TMEM182: variants seen among roughly 807,000 people sequenced by gnomAD.
TMEM182 encodes transmembrane protein 182.
In TMEM182, 20 loss-of-function variants were observed where a neutral mutation model predicts 26.8. That is an observed-to-expected ratio of 0.75 (90% confidence interval 0.53 to 1.09). The LOEUF (loss-of-function observed/expected upper bound fraction) is 1.09. Among genes scored for constraint, TMEM182 ranks in the 50% least tolerant of loss-of-function variants. The pLI is 0.00. For missense variants in TMEM182, 277 were observed against 275.5 expected, an observed-to-expected ratio of 1.01 and a Z score of -0.04; for synonymous variants, 109 against 102.2, an observed-to-expected ratio of 1.07 and a Z score of -0.40.
intron 3 of TMEM182, among the ~76,000 whole-genome samples, chr2:102,840,040 T>G (rs1389411713): frequency 7.2e-5 from 11 of 152,176 alleles, no homozygotes; most frequent in Non-Finnish European, 2.9e-5. Flanking sequence ...TAGCTCTGAG[T>G]GCCTCACGGG....
chr2:102,764,184 C>T, intron 2 of TMEM182, 145 bp from the exon 3 acceptor site: 1 of 739,726 alleles, frequency 1.4e-6, no homozygotes, highest in East Asian at 2.7e-5. Context: ...CCTTCCTCCT[C>T]ACAACAATTC....
At chr2:102,805,971 G>A (rs1381448003) in intron 4 of TMEM182, among the ~76,000 whole-genome samples, 1 of 152,136 alleles carries the variant, frequency 6.6e-6, no homozygotes, top group African/African-American at 2.4e-5. Flanking sequence ...TGAAAAGGCA[G>A]ACTGAATTTC....
chr2:102,799,750 T>A (rs1682034872), intron 4 of TMEM182, among the ~76,000 whole-genome samples: 1 of 152,196 alleles, frequency 6.6e-6, no homozygotes, highest in Non-Finnish European at 1.5e-5. Flanking sequence ...CCTTTGTCCT[T>A]TGTGGCCAAT....
chr2:102,788,776 C>T (rs1476829092), intron 3 of TMEM182, among the ~76,000 whole-genome samples: 1 of 152,116 alleles, frequency 6.6e-6, no homozygotes, highest in Non-Finnish European at 1.5e-5. Flanking sequence ...CTCCCTGAAG[C>T]ATCTCCTGAA....
In TMEM182 at chr2:102,777,361, G is replaced by A. The variant is rs986135986; in HGVS notation, c.331+12934G>A. Among the ~76,000 whole-genome samples the A allele has an allele frequency of 3.9e-5, 6 of 152,100 alleles. No individual in the cohort carries two copies. The East Asian group carries it at 1.2e-3, about 29-fold the overall frequency. Reference sequence around the variant, plus strand: ...TGTCTAGGTTCATTATTTTGCGTATGGATTTTCAATTGTGTCAGCACCATT... The same window carrying A: ...TGTCTAGGTTCATTATTTTGCGTATAGATTTTCAATTGTGTCAGCACCATT... On this transcript the variant is annotated intron_variant, in intron 3 of 4. Coordinates refer to ENST00000412401, the MANE Select transcript of TMEM182 (RefSeq NM_144632.5).
At chr2:102,802,266 G>T (rs925572033) in intron 4 of TMEM182, among the ~76,000 whole-genome samples, 2 of 152,224 alleles carry the variant, frequency 1.3e-5, no homozygotes, top group Admixed American at 1.3e-4. Flanking sequence ...ATGGCAGAGG[G>T]ATGCTGATAT....
intron 4 of TMEM182, among the ~76,000 whole-genome samples, chr2:102,804,382 T>C (rs1422098971): frequency 6.6e-6 from 1 of 152,160 alleles, no homozygotes; most frequent in Non-Finnish European, 1.5e-5. Context: ...ATAGCTTAGC[T>C]TGCATATATT....
In TMEM182 at chr2:102,762,117, T is replaced by G; in HGVS notation, c.-101T>G. 1.9e-6 allele frequency: 2 copies of G among 1,041,320 alleles called. No homozygotes were observed. Among genetic ancestry groups the G allele is most frequent in the Non-Finnish European group, 2.7e-6 (2 of 738,304 alleles). 64.5% of individuals were successfully genotyped at this position (1,041,320 alleles called of 1,614,324 possible). ...AGAAGATTCTGCCAACTCAAAAATA[T>G]TATTCTTTTTTTTTTTTTTTTGCTG... On this transcript the variant is annotated 5_prime_UTR_variant, in exon 1 of 5. Transcript: ENST00000412401.
intron 3 of TMEM182, among the ~76,000 whole-genome samples, chr2:102,825,113 C>G (rs980245850): frequency 6.6e-6 from 1 of 152,172 alleles, no homozygotes; most frequent in Non-Finnish European, 1.5e-5. Context: ...AAGGCAAAAA[C>G]TTCAGTACCT....
At position 102,748,172 on chromosome 2, in the gene TMEM182, A is replaced by G. The variant is rs375437619; in HGVS notation, c.-82-10217A>G. On this transcript the variant is annotated intron_variant, in intron 1 of 5. Coordinates refer to the TMEM182 transcript ENST00000409173. ...GTAACTTTCCGTGTAGGCACAAACAACCAAAATCCAGAAGTGCAGCTCCAA... is the reference window on the plus strand; with the variant it reads ...GTAACTTTCCGTGTAGGCACAAACAGCCAAAATCCAGAAGTGCAGCTCCAA... Among the ~76,000 whole-genome samples, 4 of 152,332 alleles carry G rather than the reference A, an allele frequency of 2.6e-5. No individual in the cohort carries two copies. The South Asian group carries it at 8.3e-4, about 32-fold the overall frequency.
At chr2:102,833,821 T>C (rs977873507) in intron 3 of TMEM182, among the ~76,000 whole-genome samples, 2 of 152,334 alleles carry the variant, frequency 1.3e-5, no homozygotes, top group African/African-American at 4.8e-5. Context: ...GATGTTTTGA[T>C]AGATTGGAGC....
intron 4 of TMEM182, among the ~76,000 whole-genome samples, chr2:102,807,371 A>G (rs1682388055): frequency 6.6e-6 from 1 of 152,212 alleles, no homozygotes; most frequent in African/African-American, 2.4e-5. Flanking sequence ...CAAGTCTGAG[A>G]AAATGAAGAA....
At chr2:102,830,883 C>A (rs1683137063) in intron 3 of TMEM182, among the ~76,000 whole-genome samples, 1 of 152,112 alleles carries the variant, frequency 6.6e-6, no homozygotes, top group Non-Finnish European at 1.5e-5. Context: ...CTCTGGTAAT[C>A]ATCCTTCTAC....
upstream of TMEM182, among the ~76,000 whole-genome samples, chr2:102,760,094 A>T (rs188551277): frequency 2.2e-4 from 31 of 143,806 alleles, no homozygotes; most frequent in South Asian, 3.0e-3. Context: ...TATACCCAGA[A>T]TATTTTACTA....
intron 1 of TMEM182, among the ~76,000 whole-genome samples, chr2:102,754,741 C>G (rs1471420094): frequency 1.3e-5 from 2 of 149,858 alleles, no homozygotes; most frequent in African/African-American, 5.0e-5. Flanking sequence ...AAGAATATTG[C>G]AACATTAGGA....
intron 3 of TMEM182, among the ~76,000 whole-genome samples, chr2:102,829,177 AC>A (rs1422859096): frequency 5.3e-5 from 8 of 152,146 alleles, no homozygotes. Flanking sequence ...ATCAGGTAGC[AC>A]CTTTTTGCAT....
rs1682700037 is a variant in TMEM182 at position 102,815,173 on chromosome 2, C to G, written c.*205C>G. The G allele has an allele frequency of 1.4e-6, 2 of 1,390,158 alleles. No homozygotes were observed. The highest frequency in any genetic ancestry group is 3.2e-5 in the South Asian group (2 of 63,194). 86.1% of individuals were successfully genotyped at this position (1,390,158 alleles called of 1,614,324 possible). ...AGCAAGCCTCTATCTTGTCTAAGTG[C>G]TGTCAAGGACCTAGTTCTTTAGGGA... is the stretch of plus-strand genomic sequence containing the variant. On this transcript the variant is annotated 3_prime_UTR_variant, in exon 5 of 5. Transcript: ENST00000412401.
At chr2:102,805,473 T>A (rs1682310592) in intron 4 of TMEM182, among the ~76,000 whole-genome samples, 1 of 152,186 alleles carries the variant, frequency 6.6e-6, no homozygotes, top group Non-Finnish European at 1.5e-5. Context: ...CCAACCTTGT[T>A]GGAGACATTC....
intron 3 of TMEM182, among the ~76,000 whole-genome samples, chr2:102,781,621 G>C (rs1287176206): frequency 6.6e-6 from 1 of 152,122 alleles, no homozygotes; most frequent in Non-Finnish European, 1.5e-5. Context: ...CAGCAAAGGA[G>C]ACTAAGGATG....
Sources: gnomAD v4.1 joint callset for allele counts (sites outside exome capture counted in the v4.1 genomes callset) on GRCh38, gnomAD v4.1.1 for gene constraint, MANE v1.5 for transcripts, NCBI Gene and HGNC (gene_info 2026-07-23, HGNC 2026-07-21) for gene names.